The following SPART variants were observed in gnomAD, a reference collection of about 807,000 sequenced individuals.
SPART encodes the protein spartin, also known as spastic paraplegia 20 (Troyer syndrome).
SPART carries 35 observed loss-of-function variants against 58.7 expected under a neutral mutation model. The ratio of observed to expected loss-of-function variants is 0.60; its 90% CI spans 0.46 to 0.79. SPART has a LOEUF of 0.79. Ranked by LOEUF, SPART falls within the 30% of genes least tolerant of loss-of-function variation. SPART has a pLI of 0.00. For synonymous variants in SPART, 284 were observed against 280.7 expected, an observed-to-expected ratio of 1.01 and a Z score of -0.12; for missense variants, 730 against 786.1, an observed-to-expected ratio of 0.93 and a Z score of 0.85.
At chr13:36,369,570 C>T (rs1886194381) in intron 1 of SPART, 1 of 152,198 alleles carries the variant, frequency 6.6e-6, no homozygotes, top group Non-Finnish European at 1.5e-5. Flanking sequence ...GAAGATCTCT[C>T]TGCCCAGGCT....
At chr13:36,358,126 AAAAG>A (rs1297686490) in intron 1 of SPART, among the ~76,000 whole-genome samples, 3 of 152,222 alleles carry the variant, frequency 2.0e-5, no homozygotes, top group Non-Finnish European at 4.4e-5. Flanking sequence ...CATAGAAAAA[AAAAG>A]AAAAACCTGC....
chr13:36,326,281 C>T lies in SPART; in HGVS notation c.1288+294G>A, dbSNP rs140866151. On this transcript the variant is annotated intron_variant, in intron 5 of 8. Transcript: ENST00000438666. ...TTAAGAGGGAGCTTCAAAGGGGAAACGAACATAACTAATTTTAGATTCAGA... is the reference window on the plus strand; with the variant it reads ...TTAAGAGGGAGCTTCAAAGGGGAAATGAACATAACTAATTTTAGATTCAGA... 2,445 of 374,646 alleles carry T rather than the reference C, an allele frequency of 6.5e-3. 46 individuals are homozygous for T. Among genetic ancestry groups the T allele is most frequent in the Admixed American group, 0.052 (1,294 of 24,656 alleles). The allele number at this position is 374,646 out of a possible 1,614,324, so 23.2% of individuals were successfully genotyped here.
intron 1 of SPART, among the ~76,000 whole-genome samples, chr13:36,356,901 C>G (rs1366323368): frequency 2.0e-5 from 3 of 149,196 alleles, no homozygotes; most frequent in Non-Finnish European, 4.5e-5. Flanking sequence ...ATATGTTATT[C>G]TGTGTATTAA....
In SPART at chr13:36,302,493, G is replaced by A. The variant is rs1339962153; in HGVS notation, c.*1872C>T. 3 of 152,086 alleles carry A rather than the reference G, an allele frequency of 2.0e-5. No homozygotes were observed. The highest frequency in any genetic ancestry group is 2.9e-5 in the Non-Finnish European group (2 of 68,006). The allele number at this position is 152,086 out of a possible 1,614,324, so 9.4% of individuals were successfully genotyped here. ...GGGTACAGCTATGCTCCAATAAAAC[G>A]TTATTTATGAAAACAGGTGGACATC... On this transcript the variant is annotated 3_prime_UTR_variant, in exon 9 of 9. Coordinates refer to ENST00000438666, the MANE Select transcript of SPART (RefSeq NM_015087.5).
intron 1 of SPART, chr13:36,345,713 T>A (rs1208507214): frequency 6.6e-6 from 1 of 152,130 alleles, no homozygotes; most frequent in East Asian, 1.9e-4. Flanking sequence ...CATGAAAGAA[T>A]GTATTGTAAA....
intron 8 of SPART, among the ~76,000 whole-genome samples, chr13:36,307,921 G>C (rs1178874615): frequency 6.6e-6 from 1 of 151,892 alleles, no homozygotes; most frequent in Non-Finnish European, 1.5e-5. Flanking sequence ...TAATACATTT[G>C]GTTTTCTCCC....
chr13:36,346,781 C>G (rs9531842), upstream of SPART: 37,856 of 152,386 alleles, frequency 0.25, 5,246 homozygotes, highest in East Asian at 0.51. Flanking sequence ...TTCTCTCCAG[C>G]GAAACCGAGG....
chr13:36,304,144 A>T lies in SPART; in HGVS notation c.*221T>A. On this transcript the variant is annotated 3_prime_UTR_variant, in exon 9 of 9. Coordinates refer to ENST00000438666, the MANE Select transcript of SPART (RefSeq NM_015087.5). ...ATTTTAGCTACACTTGGAAAAAAAT[A>T]AACTTGAGAATATAACTTCACATTT... 1.7e-6 allele frequency: 1 copy of T among 600,608 alleles called. No homozygotes were observed. The highest frequency in any genetic ancestry group is 2.9e-5 in the East Asian group (1 of 34,514). 37.2% of individuals were successfully genotyped at this position (600,608 alleles called of 1,614,324 possible). A position where few individuals can be genotyped will look rare whatever the true frequency, so the allele number is the denominator to read the frequency against.
Position 36,331,451 on chromosome 13 carries a change from T to C in SPART, c.956A>G (p.Asp319Gly). 2 of 1,614,106 alleles carry C rather than the reference T, an allele frequency of 1.2e-6. No individual in the cohort carries two copies. The highest frequency in any genetic ancestry group is 1.6e-4 in the Middle Eastern group (1 of 6,062). ...TAACAGATCCTCAAAGAGCTCTCTA[T>C]CATCCTCTGGTAACTCAGAGGACAG... ...VVLSSELPED[D>G]RELFEDLLRQ... The change falls in exon 3 of 9, where the codon GAT (aspartate) becomes GGT (glycine). Residue 319 changes from aspartate to glycine, a missense_variant. Physicochemically the swap from Asp to Gly is moderately conservative, Grantham distance 94. Coordinates refer to ENST00000438666, the MANE Select transcript of SPART (RefSeq NM_015087.5).
intron 1 of SPART, among the ~76,000 whole-genome samples, chr13:36,338,446 A>G (rs1884231965): frequency 6.6e-6 from 1 of 152,164 alleles, no homozygotes; most frequent in Non-Finnish European, 1.5e-5. Context: ...AGAACCTCCA[A>G]AGGCATAAGA....
intron 1 of SPART, chr13:36,345,550 G>C (rs1885018567): frequency 6.6e-6 from 1 of 152,090 alleles, no homozygotes; most frequent in African/African-American, 2.4e-5. Context: ...TGGACTACTA[G>C]CGCACTTCCT....
intron 1 of SPART, among the ~76,000 whole-genome samples, chr13:36,369,323 C>T (rs2281863): frequency 0.82 from 125,248 of 152,186 alleles, 51,781 homozygotes; most frequent in African/African-American, 0.9. Context: ...GTTAGTCTTA[C>T]ACTCTTCATA....
chr13:36,313,781 T>C (rs769572971), intron 6 of SPART, among the ~76,000 whole-genome samples: 2 of 152,210 alleles, frequency 1.3e-5, no homozygotes, highest in Non-Finnish European at 2.9e-5. Flanking sequence ...TGTGAGTACA[T>C]GCTATGATGT....
intron 5 of SPART, among the ~76,000 whole-genome samples, chr13:36,317,471 A>ACTG (rs1555260300): frequency 6.7e-6 from 1 of 149,596 alleles, no homozygotes; most frequent in Non-Finnish European, 1.5e-5. Context: ...CTGTGCCCTA[A>ACTG]CTTAACTCTG....
intron 1 of SPART, among the ~76,000 whole-genome samples, chr13:36,338,331 A>C (rs1278009428): frequency 6.6e-6 from 1 of 152,236 alleles, no homozygotes; most frequent in Non-Finnish European, 1.5e-5. Context: ...TTGGTGTCAA[A>C]AAAGGAGGCA....
At chr13:36,333,604 G>C (rs1883675928) in intron 2 of SPART, among the ~76,000 whole-genome samples, 1 of 151,854 alleles carries the variant, frequency 6.6e-6, no homozygotes, top group Non-Finnish European at 1.5e-5. Flanking sequence ...ACATGAGAAA[G>C]ATTAAAAACA....
At chr13:36,313,958 T>C (rs1014442886) in intron 6 of SPART, 6 of 474,122 alleles carry the variant, frequency 1.3e-5, no homozygotes, top group African/African-American at 2.0e-5. Flanking sequence ...AATGTGCAAA[T>C]AAGAATCACC....
chr13:36,326,591 A>G lies in SPART; in HGVS notation c.1272T>C (p.Ala424=). Reference sequence around the variant, plus strand: ...CTGTAATACCTGACAAAATGTTGTGAGCCACTTTTTCACTCCATTCAGGTA... The same window carrying G: ...CTGTAATACCTGACAAAATGTTGTGGGCCACTTTTTCACTCCATTCAGGTA... ...KELPEWSEKV[A]HNILSGASWV... is the part of the protein sequence containing the mutation. The change falls in exon 5 of 9, where the codon GCT becomes GCC. Residue 424 remains alanine (A), a synonymous_variant. Coordinates refer to ENST00000438666, the MANE Select transcript of SPART (RefSeq NM_015087.5). The G allele has an allele frequency of 6.2e-7, 1 of 1,613,548 alleles. No individual in the cohort carries two copies. Among genetic ancestry groups the G allele is most frequent in the South Asian group, 1.1e-5 (1 of 91,068 alleles).
intron 8 of SPART, among the ~76,000 whole-genome samples, chr13:36,309,223 G>A (rs1880829195): frequency 7.0e-6 from 1 of 143,266 alleles, no homozygotes. Flanking sequence ...CAGCCTGGGT[G>A]ACAGAGTGAA....
Sources: allele counts gnomAD v4.1 joint callset (sites outside exome capture counted in the v4.1 genomes callset), GRCh38; gene constraint gnomAD v4.1.1; transcripts MANE v1.5; gene names NCBI Gene and HGNC (gene_info 2026-07-23, HGNC 2026-07-21).